The following OSBPL3 variants were observed in gnomAD, a reference collection of about 807,000 sequenced individuals.
The protein encoded by OSBPL3 is oxysterol-binding protein-related protein 3.
A neutral mutation model predicts 120.1 loss-of-function variants in OSBPL3; 65 were observed. The observed-to-expected ratio is 0.54, with a 90% confidence interval of 0.44 to 0.67. The LOEUF (loss-of-function observed/expected upper bound fraction) is 0.67, where lower values mean the gene tolerates loss of function less well. OSBPL3 is among the 30% of genes least tolerant of loss of function. The pLI is 0.00. For synonymous variants in OSBPL3, 416 were observed against 402.6 expected (o/e 1.03, Z -0.40); for missense variants, 1,004 against 1,082.1 (o/e 0.93, Z 1.01).
Position 24,862,997 on chromosome 7 carries a change from T to C in OSBPL3, c.870+203A>G, listed in dbSNP as rs1800792786. Among the ~76,000 whole-genome samples the C allele has an allele frequency of 6.6e-6, 1 of 152,218 alleles. No homozygotes were observed. The highest frequency in any genetic ancestry group is 2.4e-5 in the African/African-American group (1 of 41,450). On this transcript the variant is annotated intron_variant, in intron 9 of 22. Transcript: ENST00000313367. The surrounding 1 kb of genome is among the most constrained non-coding windows in gnomAD (Gnocchi z 4.4). ...TTTCCCTTAGAAAAAATTCTCTCCC[T>C]TGCCCACGATCCATTATGTGCTTAT...
At chr7:24,850,119 C>CT (rs139025058) in intron 11 of OSBPL3, among the ~76,000 whole-genome samples, 2,995 of 152,202 alleles carry the variant, frequency 0.02, 45 homozygotes, top group African/African-American at 0.044. Context: ...TGCATAAGGG[C>CT]TTAAGGACCA....
At chr7:24,978,533 G>T (rs1007286511) in intron 1 of OSBPL3, among the ~76,000 whole-genome samples, 35 of 152,174 alleles carry the variant, frequency 2.3e-4, no homozygotes, top group African/African-American at 8.4e-4. Flanking sequence ...GGCTGGAGGG[G>T]ATGGTCATTT....
At chr7:24,812,125 G>A (rs1793881345) in intron 19 of OSBPL3, among the ~76,000 whole-genome samples, 1 of 151,940 alleles carries the variant, frequency 6.6e-6, no homozygotes, top group South Asian at 2.1e-4. Flanking sequence ...TGTCCAACAT[G>A]GTGAAACCCC....
At chr7:24,969,209 A>G (rs916410126) in intron 1 of OSBPL3, among the ~76,000 whole-genome samples, 2 of 152,242 alleles carry the variant, frequency 1.3e-5, no homozygotes, top group African/African-American at 4.8e-5. Context: ...TAGCATCTCA[A>G]TGAAGTTTTC....
rs1394151407 is a variant in OSBPL3, at chr7:24,940,728, G to C, written c.-150+39158C>G. 1.3e-5 allele frequency among the ~76,000 whole-genome samples: 2 copies of C among 151,980 alleles called. No individual in the cohort carries two copies. Among genetic ancestry groups the C allele is most frequent in the African/African-American group, 4.8e-5 (2 of 41,378 alleles). ...ATAAGCACAGCAGAGGATAACAACA[G>C]GCCAGGAACTCTAAGGCAAACAGGA... On this transcript the variant is annotated intron_variant, in intron 1 of 22. Transcript: ENST00000313367. This position sits in a 1 kb window ranked among gnomAD's most constrained non-coding sequence, Gnocchi z 4.4.
upstream of OSBPL3, among the ~76,000 whole-genome samples, chr7:24,980,340 C>T (rs187216738): frequency 6.0e-3 from 904 of 151,584 alleles, 4 homozygotes; most frequent in African/African-American, 0.021. Context: ...GGAGGTGGGG[C>T]GATGTCCTCG....
At chr7:24,890,995 T>A (rs1016504317) in intron 2 of OSBPL3, among the ~76,000 whole-genome samples, 18 of 152,192 alleles carry the variant, frequency 1.2e-4, no homozygotes, top group African/African-American at 4.3e-4. Flanking sequence ...GTTCTCCCCC[T>A]TTATCAAAGA....
rs1562754528 is a variant in OSBPL3, at chr7:24,808,266, G to A, written c.2318-1364C>T. 1.3e-5 allele frequency among the ~76,000 whole-genome samples: 2 copies of A among 152,132 alleles called. No homozygotes were observed. The stretch of plus-strand genomic sequence containing the variant: ...TAGTCTAATTCTCTGTGTATCCTAA[G>A]CATAAAAATAGTAGCAAAGTTTCCT... On this transcript the variant is annotated intron_variant, in intron 20 of 22. Coordinates refer to ENST00000313367, the MANE Select transcript of OSBPL3 (RefSeq NM_015550.4). This position sits in a 1 kb window ranked among gnomAD's most constrained non-coding sequence, Gnocchi z 4.6.
chr7:24,891,879 A>G lies in OSBPL3; in HGVS notation c.96+498T>C, dbSNP rs1228997536. On this transcript the variant is annotated intron_variant, in intron 2 of 22. Coordinates refer to ENST00000313367, the MANE Select transcript of OSBPL3 (RefSeq NM_015550.4). This position sits in a 1 kb window ranked among gnomAD's most constrained non-coding sequence, Gnocchi z 4.1. ...GAGTCTCGAAGCTACTAACAGGGCA[A>G]TCTGTGGTTACAAGCTGCCATAAAA... 6.6e-6 allele frequency among the ~76,000 whole-genome samples: 1 copy of G among 152,232 alleles called. No homozygotes were observed. Among genetic ancestry groups the G allele is most frequent in the Non-Finnish European group, 1.5e-5 (1 of 68,040 alleles).
intron 1 of OSBPL3, among the ~76,000 whole-genome samples, chr7:24,904,657 T>C (rs1047970755): frequency 6.6e-6 from 1 of 152,114 alleles, no homozygotes; most frequent in South Asian, 2.1e-4. Flanking sequence ...CAACAGAGTA[T>C]TATTCAGCTG....
At position 24,885,414 on chromosome 7, in the gene OSBPL3, C is replaced by T. The variant is rs559607051; in HGVS notation, c.96+6963G>A. Among the ~76,000 whole-genome samples, 27 of 152,068 alleles carry T rather than the reference C, an allele frequency of 1.8e-4. No individual in the cohort carries two copies. The East Asian group carries it at 4.1e-3, about 23-fold the overall frequency. On this transcript the variant is annotated intron_variant, in intron 2 of 22. Transcript: ENST00000313367. ...CAGCCAGGCTGGGCTCTCTGGAGTG[C>T]GGCATAATCTAATACCCTGCATAAA...
At chr7:24,895,513 AG>A (rs1258955987) in intron 1 of OSBPL3, among the ~76,000 whole-genome samples, 1 of 152,204 alleles carries the variant, frequency 6.6e-6, no homozygotes, top group Non-Finnish European at 1.5e-5. Context: ...TCCTATCTTA[AG>A]CGACGCATGA....
At chr7:24,832,307 C>T (rs967997841) in intron 15 of OSBPL3, among the ~76,000 whole-genome samples, 3 of 150,532 alleles carry the variant, frequency 2.0e-5, no homozygotes, top group South Asian at 2.1e-4. Context: ...GTCAGGAGTT[C>T]GAGACCAGCC....
In OSBPL3 at chr7:24,803,998, C is replaced by CT. The variant is rs1395047216; in HGVS notation, c.2567+316dup. On this transcript the variant is annotated intron_variant, in intron 22 of 22. Transcript: ENST00000313367. The surrounding 1 kb of genome is among the most constrained non-coding windows in gnomAD (Gnocchi z 4.2). Reference sequence around the variant, plus strand: ...TTAGCTGTGGATTTAATAAGCTGGCCTGGTGCTGGGACCCAGTTCTGGCAG... The same window carrying CT: ...TTAGCTGTGGATTTAATAAGCTGGCCTTGGTGCTGGGACCCAGTTCTGGCAG... 6.6e-6 allele frequency among the ~76,000 whole-genome samples: 1 copy of CT among 152,114 alleles called. No individual in the cohort carries two copies. Among genetic ancestry groups the CT allele is most frequent in the East Asian group, 1.9e-4 (1 of 5,190 alleles).
chr7:24,930,089 T>A lies in OSBPL3; in HGVS notation c.-149-37468A>T, dbSNP rs1299527484. On this transcript the variant is annotated intron_variant, in intron 1 of 22. Coordinates refer to ENST00000313367, the MANE Select transcript of OSBPL3 (RefSeq NM_015550.4). This position sits in a 1 kb window ranked among gnomAD's most constrained non-coding sequence, Gnocchi z 4.4. The stretch of plus-strand genomic sequence containing the variant: ...TCATACATTCTTTATGAGAAAACTT[T>A]AGGAGTTAGAAGAAAGGGTAACTAA... 6.6e-6 allele frequency among the ~76,000 whole-genome samples: 1 copy of A among 152,188 alleles called. No homozygotes were observed. Among genetic ancestry groups the A allele is most frequent in the Non-Finnish European group, 1.5e-5 (1 of 68,032 alleles).
Position 24,863,236 on chromosome 7 carries a change from G to C in OSBPL3, c.834C>G (p.Ser278=). The C allele has an allele frequency of 6.2e-7, 1 of 1,614,134 alleles. No homozygotes were observed. Among genetic ancestry groups the C allele is most frequent in the Non-Finnish European group, 8.5e-7 (1 of 1,179,966 alleles). Residue 278 remains serine, a synonymous_variant, in exon 9 of 23, where the codon TCC becomes TCG. Transcript: ENST00000313367. This position sits in a 1 kb window ranked among gnomAD's most constrained non-coding sequence, Gnocchi z 5.8. ...KEKRSHRRWR[S]RAIGKDAKGT... The stretch of plus-strand genomic sequence containing the variant: ...CTTTAGCATCTTTGCCAATAGCTCT[G>C]GACCGCCACCTCCTGTGCGATCTTT...
intron 1 of OSBPL3, among the ~76,000 whole-genome samples, chr7:24,897,486 C>T (rs112378634): frequency 1.3e-5 from 2 of 151,506 alleles, no homozygotes; most frequent in African/African-American, 2.4e-5. Flanking sequence ...CTACCACGCC[C>T]GGCTAATTTT....
At position 24,836,530 on chromosome 7, in the gene OSBPL3, G is replaced by T. The variant is rs180716069; in HGVS notation, c.1496-1794C>A. 6.6e-5 allele frequency among the ~76,000 whole-genome samples: 10 copies of T among 152,266 alleles called. 1 individual carries two copies. Among genetic ancestry groups the T allele is most frequent in the African/African-American group, 2.4e-4 (10 of 41,556 alleles). On this transcript the variant is annotated intron_variant, in intron 14 of 22. Transcript: ENST00000313367. ...TGGCCCATGGAGTATTTTGATGAAT[G>T]AAACATATTTTAGGTATGCCAATCT...
chr7:24,907,412 T>C (rs893358162), intron 1 of OSBPL3, among the ~76,000 whole-genome samples: 1 of 152,252 alleles, frequency 6.6e-6, no homozygotes, highest in Non-Finnish European at 1.5e-5. Context: ...AAAGCAGGCA[T>C]GAATAACTGT....
Sources: gnomAD v4.1 joint callset for allele counts (sites outside exome capture counted in the v4.1 genomes callset) on GRCh38, gnomAD v4.1.1 for gene constraint, Gnocchi (gnomAD v3.1) non-coding constraint, MANE v1.5 for transcripts, NCBI Gene and HGNC (gene_info 2026-07-23, HGNC 2026-07-21) for gene names.